The following GNA12 variants were observed in gnomAD, a reference collection of about 807,000 sequenced individuals.
GNA12 encodes the protein guanine nucleotide-binding protein subunit alpha-12.
Under a neutral mutation model 26.0 loss-of-function variants are expected in GNA12, and 9 were observed. The observed-to-expected ratio is 0.35, with a 90% CI of 0.21 to 0.60. The LOEUF (loss-of-function observed/expected upper bound fraction) is 0.60. GNA12 is among the 20% of genes least tolerant of loss of function. The pLI is 0.78. For missense variants in GNA12, 405 were observed against 525.8 expected (o/e 0.77, Z 2.25); for synonymous variants, 264 against 219.6 (o/e 1.20, Z -1.79).
chr7:2,729,847 T>C lies in GNA12; in HGVS notation c.*1334A>G, dbSNP rs1374040070. ...GACCAGCTTGGAATGCAATGTATTT[T>C]AAACACAGTGAAAGCCACCTGGCAG... On this transcript the variant is annotated 3_prime_UTR_variant, in exon 4 of 4. Coordinates refer to ENST00000275364, the MANE Select transcript of GNA12 (RefSeq NM_007353.3). 1 of 152,404 alleles carries C rather than the reference T, an allele frequency of 6.6e-6. No homozygotes were observed. The highest frequency in any genetic ancestry group is 2.4e-5 in the African/African-American group (1 of 41,444). 9.4% of individuals were successfully genotyped at this position (152,404 alleles called of 1,614,324 possible). A position where few individuals can be genotyped will look rare whatever the true frequency, so the allele number is the denominator to read the frequency against.
intron 1 of GNA12, among the ~76,000 whole-genome samples, chr7:2,820,217 G>A (rs1437995388): frequency 6.6e-6 from 1 of 151,906 alleles, no homozygotes; most frequent in African/African-American, 2.4e-5. Flanking sequence ...GTGGCCGCCC[G>A]GGGCTGGGGC....
At chr7:2,775,239 G>C (rs1226400958) in intron 2 of GNA12, 1 of 152,176 alleles carries the variant, frequency 6.6e-6, no homozygotes, top group East Asian at 1.9e-4. Flanking sequence ...ATTTGAATAG[G>C]CTTAAGATAT....
intron 1 of GNA12, among the ~76,000 whole-genome samples, chr7:2,795,568 C>T (rs941794427): frequency 3.4e-5 from 5 of 146,588 alleles, no homozygotes; most frequent in Middle Eastern, 3.4e-3. Flanking sequence ...GTCAAGGCTA[C>T]GGTTATCTAT....
At chr7:2,779,131 G>A (rs1003542482) in intron 2 of GNA12, among the ~76,000 whole-genome samples, 1 of 152,154 alleles carries the variant, frequency 6.6e-6, no homozygotes, top group Non-Finnish European at 1.5e-5. Context: ...GGCCAAGGCG[G>A]GTGAATCACT....
At chr7:2,762,877 T>A (rs1350605923) in intron 2 of GNA12, 2 of 1,440,418 alleles carry the variant, frequency 1.4e-6, no homozygotes, top group African/African-American at 2.9e-5. Context: ...CGAGCCCTGC[T>A]CGTGGAGCCA....
At chr7:2,832,582 G>A (rs1469980719) in intron 1 of GNA12, among the ~76,000 whole-genome samples, 1 of 152,184 alleles carries the variant, frequency 6.6e-6, no homozygotes, top group African/African-American at 2.4e-5. Flanking sequence ...CTTGGCTTAA[G>A]TAGCTATTGA....
chr7:2,782,492 C>G (rs1422750179), intron 2 of GNA12, among the ~76,000 whole-genome samples: 2 of 152,158 alleles, frequency 1.3e-5, no homozygotes, highest in East Asian at 3.8e-4. Flanking sequence ...GACACCACCT[C>G]GAGATATCAT....
chr7:2,749,068 G>C (rs1583231753), intron 2 of GNA12, among the ~76,000 whole-genome samples: 2 of 152,258 alleles, frequency 1.3e-5, no homozygotes, highest in South Asian at 4.1e-4. Context: ...TGGTGGGACT[G>C]TAAACTAGTT....
Position 2,795,157 on chromosome 7 carries a change from G to C in GNA12, c.310-14C>G. The C allele has an allele frequency of 6.3e-7, 1 of 1,594,598 alleles. No homozygotes were observed. Among genetic ancestry groups the C allele is most frequent in the Non-Finnish European group, 8.6e-7 (1 of 1,163,248 alleles). On this transcript the variant is annotated splice_polypyrimidine_tract_variant and intron_variant, in intron 1 of 3. Transcript: ENST00000275364. ...AACCCTTGAGCCCTAGAAAATAAAA[G>C]AAAGAAGAGAGGATTTAATTGCATT...
intron 2 of GNA12, among the ~76,000 whole-genome samples, chr7:2,750,839 A>G (rs1403523563): frequency 6.6e-6 from 1 of 152,330 alleles, no homozygotes; most frequent in African/African-American, 2.4e-5. Flanking sequence ...GGATATGGCG[A>G]AAGTTTTAGA....
chr7:2,741,799 G>T (rs188309523), intron 2 of GNA12, among the ~76,000 whole-genome samples: 1 of 151,068 alleles, frequency 6.6e-6, no homozygotes, highest in East Asian at 1.9e-4. Flanking sequence ...CTACAACCAC[G>T]GCAACTTCAG....
At chr7:2,737,634 A>G (rs1409951497) in intron 2 of GNA12, among the ~76,000 whole-genome samples, 1 of 152,078 alleles carries the variant, frequency 6.6e-6, no homozygotes, top group East Asian at 1.9e-4. Flanking sequence ...CTAAAATCCT[A>G]AAGCGGGGTC....
chr7:2,746,538 T>C (rs1457548622), intron 2 of GNA12, among the ~76,000 whole-genome samples: 4 of 152,092 alleles, frequency 2.6e-5, no homozygotes, highest in Admixed American at 2.6e-4. Flanking sequence ...GGGAAATTTA[T>C]AGCACTAAAT....
At chr7:2,743,650 T>A (rs1174745666) in intron 2 of GNA12, among the ~76,000 whole-genome samples, 1 of 152,014 alleles carries the variant, frequency 6.6e-6, no homozygotes, top group Admixed American at 6.6e-5. Flanking sequence ...CCAACTGAGG[T>A]ACCGGGTTCA....
At position 2,764,378 on chromosome 7, in the gene GNA12, C is replaced by T. The variant is rs573129847; in HGVS notation, c.525+30550G>A. Among the ~76,000 whole-genome samples, 43 of 152,210 alleles carry T rather than the reference C, an allele frequency of 2.8e-4. 1 individual carries two copies. Among genetic ancestry groups the T allele is most frequent in the African/African-American group, 1.0e-3 (42 of 41,512 alleles). On this transcript the variant is annotated intron_variant, in intron 2 of 3. Coordinates refer to ENST00000275364, the MANE Select transcript of GNA12 (RefSeq NM_007353.3). ...GATTCCAGGCGTGTGCTCCCGCATC[C>T]AGGCAGTCTGGTTTATTATTCACAC...
intron 2 of GNA12, among the ~76,000 whole-genome samples, chr7:2,772,957 G>T (rs983842159): frequency 6.6e-6 from 1 of 152,162 alleles, no homozygotes; most frequent in Non-Finnish European, 1.5e-5. Flanking sequence ...AAAGAAAAAA[G>T]AAGAAAATAC....
intron 1 of GNA12, among the ~76,000 whole-genome samples, chr7:2,800,054 C>G (rs1477847667): frequency 6.6e-6 from 1 of 152,186 alleles, no homozygotes; most frequent in African/African-American, 2.4e-5. Flanking sequence ...AAGCTAAGTC[C>G]ACACAAAACC....
chr7:2,762,083 C>T (rs1266396924), intron 2 of GNA12: 1 of 152,554 alleles, frequency 6.6e-6, no homozygotes, highest in South Asian at 2.1e-4. Flanking sequence ...TACCTCCAGC[C>T]CCTCCAGAAA....
intron 1 of GNA12, among the ~76,000 whole-genome samples, chr7:2,797,645 A>C (rs1452231723): frequency 6.6e-6 from 1 of 152,154 alleles, no homozygotes; most frequent in African/African-American, 2.4e-5. Context: ...TTTGGTGCCT[A>C]TAACTTCCAC....
Sources: gnomAD v4.1 joint callset for allele counts (sites outside exome capture counted in the v4.1 genomes callset) on GRCh38, gnomAD v4.1.1 for gene constraint, MANE v1.5 for transcripts, NCBI Gene and HGNC (gene_info 2026-07-23, HGNC 2026-07-21) for gene names.